CAST: variants seen among roughly 807,000 people sequenced by gnomAD.
CAST encodes calpastatin.
A neutral mutation model predicts 119.6 loss-of-function variants in CAST; 76 were observed. The ratio of observed to expected loss-of-function variants is 0.64; its 90% CI spans 0.53 to 0.77. The LOEUF is 0.77. Among genes scored for constraint, CAST ranks in the 30% least tolerant of loss-of-function variants. The pLI, the probability that CAST is intolerant of heterozygous loss-of-function variation, is 0.00. For synonymous variants in CAST, 319 were observed against 331.6 expected (o/e 0.96, Z 0.41); for missense variants, 953 against 946.5 (o/e 1.01, Z -0.09).
rs1329562493 is a variant in CAST at position 96,741,273 on chromosome 5, T to C, written c.926T>C (p.Ile309Thr). The C allele has an allele frequency of 1.2e-6, 2 of 1,607,444 alleles. No individual in the cohort carries two copies. Among genetic ancestry groups the C allele is most frequent in the Non-Finnish European group, 1.7e-6 (2 of 1,174,176 alleles). ...TGPPADSSKPIGPDDAIDALS... is the reference protein window; with the variant it reads ...TGPPADSSKPTGPDDAIDALS... ...CTGTGCCTGTTTCTTTAGAAACCCATAGGGCCAGATGATGCTATAGACGCC... is the reference window on the plus strand; with the variant it reads ...CTGTGCCTGTTTCTTTAGAAACCCACAGGGCCAGATGATGCTATAGACGCC... The change falls in exon 14 of 32, where the codon ATA (isoleucine) becomes ACA (threonine). Residue 309 changes from isoleucine to threonine, a missense_variant. Physicochemically the swap from Ile to Thr is moderately conservative, Grantham distance 89. Coordinates refer to ENST00000675179, the MANE Select transcript of CAST (RefSeq NM_001750.7).
At chr5:96,359,152 G>A in the CAST span, among the ~76,000 whole-genome samples, 3 of 152,072 alleles carry the variant, frequency 2.0e-5, no homozygotes, top group African/African-American at 7.2e-5. Flanking sequence ...AACTAGGATT[G>A]CAACCCCTGC....
At chr5:96,068,593 ATGTGTG>A in the CAST span, among the ~76,000 whole-genome samples, 225 of 142,258 alleles carry the variant, frequency 1.6e-3, 3 homozygotes, top group African/African-American at 5.0e-3. Context: ...CAATAGGATT[ATGTGTG>A]TGTGTGTGTG....
At chr5:96,396,215 A>C in the CAST span, among the ~76,000 whole-genome samples, 1 of 152,204 alleles carries the variant, frequency 6.6e-6, no homozygotes, top group Non-Finnish European at 1.5e-5. Context: ...CGACTATAGA[A>C]TTTGTATTAA....
chr5:96,421,987 C>T, the CAST span: 1 of 644,158 alleles, frequency 1.6e-6, no homozygotes, highest in Non-Finnish European at 2.5e-6. Context: ...AACACTGTGG[C>T]AGCATTAAAA....
the CAST span, among the ~76,000 whole-genome samples, chr5:96,230,590 A>G: frequency 1.3e-5 from 2 of 152,280 alleles, no homozygotes; most frequent in Middle Eastern, 3.4e-3. Context: ...GGGTTAGGCA[A>G]TGATTTCTTC....
chr5:96,722,732 T>C (rs1302334254), intron 4 of CAST, 34 bp downstream of exon 4: 8 of 1,476,104 alleles, frequency 5.4e-6, no homozygotes, highest in African/African-American at 1.4e-5. Context: ...AGTGCTAATT[T>C]AAGTTGATTG....
At position 96,543,429 on chromosome 5, in the gene CAST, C is replaced by T. The variant is rs181977505; in HGVS notation, c.60+13549C>T. On this transcript the variant is annotated intron_variant, in intron 1 of 11. Transcript: ENST00000505143. ...ATAACATTAGGAGAAATACCTAATACATGTGGGGCTTAAACCTAGATGATG... is the reference window on the plus strand; with the variant it reads ...ATAACATTAGGAGAAATACCTAATATATGTGGGGCTTAAACCTAGATGATG... Among the ~76,000 whole-genome samples, 395 of 152,222 alleles carry T rather than the reference C, an allele frequency of 2.6e-3. 5 individuals are homozygous for T. The highest frequency in any genetic ancestry group is 6.8e-3 in the Middle Eastern group (2 of 294).
the CAST span, among the ~76,000 whole-genome samples, chr5:96,333,928 T>C: frequency 6.6e-6 from 1 of 152,178 alleles, no homozygotes; most frequent in African/African-American, 2.4e-5. Context: ...AGCAGGTCCC[T>C]TCCAACATCA....
intron 1 of CAST, among the ~76,000 whole-genome samples, chr5:96,629,342 A>G (rs1017703730): frequency 6.6e-6 from 1 of 152,090 alleles, no homozygotes; most frequent in Non-Finnish European, 1.5e-5. Context: ...CTTCTGTTCT[A>G]TATAAATTCC....
chr5:96,474,355 C>A, the CAST span, among the ~76,000 whole-genome samples: 1 of 151,968 alleles, frequency 6.6e-6, no homozygotes, highest in African/African-American at 2.4e-5. Flanking sequence ...AACTTTCCTG[C>A]CCTAGAACTT....
the CAST span, among the ~76,000 whole-genome samples, chr5:96,035,599 T>C: frequency 6.6e-6 from 1 of 151,548 alleles, no homozygotes; most frequent in African/African-American, 2.4e-5. Flanking sequence ...AGGTGTAATA[T>C]GGGGAGTGTA....
intron 1 of CAST, among the ~76,000 whole-genome samples, chr5:96,566,180 A>G (rs573271337): frequency 2.4e-4 from 36 of 152,334 alleles, no homozygotes; most frequent in African/African-American, 7.9e-4. Context: ...TGACCTCTCA[A>G]TTAAACCTGT....
upstream of CAST, among the ~76,000 whole-genome samples, chr5:96,522,491 G>A (rs911088229): frequency 3.9e-5 from 6 of 152,216 alleles, no homozygotes; most frequent in South Asian, 6.2e-4. Flanking sequence ...TGTCAAGTCC[G>A]TATATTGGTA....
chr5:96,563,760 G>A (rs1315755601), intron 1 of CAST, among the ~76,000 whole-genome samples: 1 of 152,134 alleles, frequency 6.6e-6, no homozygotes, highest in Non-Finnish European at 1.5e-5. Context: ...GGATTTTAAG[G>A]AGCACAGTTT....
chr5:96,240,791 A>G, the CAST span, among the ~76,000 whole-genome samples: 2 of 93,454 alleles, frequency 2.1e-5, no homozygotes, highest in Non-Finnish European at 4.4e-5. Context: ...AATTTATTTT[A>G]CTGATAATTT....
chr5:96,259,794 G>C, the CAST span, among the ~76,000 whole-genome samples: 1 of 151,788 alleles, frequency 6.6e-6, no homozygotes, highest in East Asian at 1.9e-4. Flanking sequence ...AAAGATTGAT[G>C]CTATTTCTTT....
chr5:96,558,225 T>C (rs966831445), intron 1 of CAST, among the ~76,000 whole-genome samples: 11 of 152,144 alleles, frequency 7.2e-5, no homozygotes, highest in African/African-American at 2.7e-4. Context: ...GGGAAATTTA[T>C]AGCACTAAAT....
At chr5:96,715,218 A>G (rs1756989757) in intron 3 of CAST, 1 of 152,156 alleles carries the variant, frequency 6.6e-6, no homozygotes, top group Admixed American at 6.6e-5. Context: ...GTTTCTCCCT[A>G]GTAGTCCCAA....
the CAST span, among the ~76,000 whole-genome samples, chr5:96,467,931 A>G: frequency 6.6e-6 from 1 of 152,096 alleles, no homozygotes; most frequent in Non-Finnish European, 1.5e-5. Context: ...AGGCACCTAC[A>G]TGCCTATGTT....
Sources: allele counts gnomAD v4.1 joint callset (sites outside exome capture counted in the v4.1 genomes callset), GRCh38; gene constraint gnomAD v4.1.1; transcripts MANE v1.5; gene names NCBI Gene and HGNC (gene_info 2026-07-23, HGNC 2026-07-21).